The following MECOM variants were observed in gnomAD, a reference collection of about 807,000 sequenced individuals.
MECOM encodes MDS1 and EVI1 complex locus.
A neutral mutation model predicts 116.3 loss-of-function variants in MECOM; 13 were observed. The observed-to-expected ratio is 0.11, with a 90% confidence interval of 0.07 to 0.18. The LOEUF is 0.18. Among genes scored for constraint, MECOM ranks in the 10% least tolerant of loss-of-function variants. The pLI is 1.00. For missense variants in MECOM, 1,299 were observed against 1,509.0 expected, an observed-to-expected ratio of 0.86 and a Z score of 2.31; for synonymous variants, 528 against 535.2, an observed-to-expected ratio of 0.99 and a Z score of 0.19.
chr3:169,583,184 C>T (rs1370832445), intron 1 of MECOM, among the ~76,000 whole-genome samples: 6 of 152,166 alleles, frequency 3.9e-5, no homozygotes, highest in Non-Finnish European at 8.8e-5. Context: ...CCTGGCACAC[C>T]ATGAGTAGCT....
intron 2 of MECOM, among the ~76,000 whole-genome samples, chr3:169,231,027 TAAG>T (rs1753329430): frequency 6.6e-6 from 1 of 152,172 alleles, no homozygotes; most frequent in Non-Finnish European, 1.5e-5. Flanking sequence ...TCATTCATCA[TAAG>T]AAGCATGCCC....
chr3:169,447,915 G>A (rs1481798701), intron 1 of MECOM: 1 of 152,250 alleles, frequency 6.6e-6, no homozygotes, highest in African/African-American at 2.4e-5. Context: ...AAAAGAGAAG[G>A]CAAGAAATGA....
intron 1 of MECOM, among the ~76,000 whole-genome samples, chr3:169,481,215 T>C (rs964786184): frequency 1.3e-5 from 2 of 152,214 alleles, no homozygotes; most frequent in Non-Finnish European, 2.9e-5. Context: ...TCATGACTTT[T>C]AGCTGTATAT....
intron 2 of MECOM, among the ~76,000 whole-genome samples, chr3:169,357,508 A>AT (rs913749203): frequency 5.9e-5 from 9 of 151,672 alleles, no homozygotes; most frequent in African/African-American, 2.2e-4. Context: ...TTAAGAGGCA[A>AT]TTTTTTTTCT....
At chr3:169,578,321 T>C (rs1248256510) in intron 1 of MECOM, among the ~76,000 whole-genome samples, 1 of 152,176 alleles carries the variant, frequency 6.6e-6, no homozygotes, top group Non-Finnish European at 1.5e-5. Context: ...CACGATGCTT[T>C]TTTAAGGGAA....
intron 2 of MECOM, among the ~76,000 whole-genome samples, chr3:169,209,644 C>A (rs1750443590): frequency 6.6e-6 from 1 of 152,090 alleles, no homozygotes; most frequent in Admixed American, 6.5e-5. Context: ...CAAATCAAAA[C>A]CACAATGAGA....
chr3:169,595,237 C>A (rs1766995853), intron 1 of MECOM, among the ~76,000 whole-genome samples: 1 of 152,026 alleles, frequency 6.6e-6, no homozygotes, highest in African/African-American at 2.4e-5. Context: ...TACAAATTAC[C>A]TTTCTAAACC....
chr3:169,436,212 C>T (rs1414742171), intron 1 of MECOM, among the ~76,000 whole-genome samples: 1 of 143,720 alleles, frequency 7.0e-6, no homozygotes, highest in Non-Finnish European at 1.5e-5. Flanking sequence ...GAGTCTATGA[C>T]GCAAAAAAAA....
intron 1 of MECOM, among the ~76,000 whole-genome samples, chr3:169,459,836 G>A (rs1182041920): frequency 6.6e-6 from 1 of 152,158 alleles, no homozygotes; most frequent in African/African-American, 2.4e-5. Context: ...AATTAGGCCT[G>A]TGATGCTCTA....
At chr3:169,340,501 C>T (rs1307751928) in intron 2 of MECOM, among the ~76,000 whole-genome samples, 7 of 152,236 alleles carry the variant, frequency 4.6e-5, no homozygotes, top group Middle Eastern at 3.4e-3. Flanking sequence ...GAACTGTCAT[C>T]GAGCCTGGTA....
intron 1 of MECOM, among the ~76,000 whole-genome samples, chr3:169,660,168 G>A (rs1278157059): frequency 6.6e-6 from 1 of 152,190 alleles, no homozygotes; most frequent in Non-Finnish European, 1.5e-5. Context: ...CGGCCCAGGT[G>A]CTGTCCTAGC....
chr3:169,245,460 T>C (rs1755465419), intron 2 of MECOM, among the ~76,000 whole-genome samples: 2 of 152,252 alleles, frequency 1.3e-5, no homozygotes, highest in South Asian at 4.1e-4. Flanking sequence ...TTAGTGCTTT[T>C]CAATTGTTTA....
At position 169,333,960 on chromosome 3, in the gene MECOM, C is replaced by T. The variant is rs111981401; in HGVS notation, c.375+47227G>A. Among the ~76,000 whole-genome samples, 1,082 of 144,986 alleles carry T rather than the reference C, an allele frequency of 7.5e-3. 4 individuals are homozygous for T. The highest frequency in any genetic ancestry group is 0.032 in the Middle Eastern group (9 of 280). ...TTTAAAGCATAAGAGCAAACCCAGA[C>T]GGTAGCAATTCTGTTTACTCTTTTT... On this transcript the variant is annotated intron_variant, in intron 2 of 16. Coordinates refer to ENST00000651503, the MANE Select transcript of MECOM (RefSeq NM_004991.4).
At chr3:169,235,096 T>A (rs1753869643) in intron 2 of MECOM, among the ~76,000 whole-genome samples, 1 of 152,220 alleles carries the variant, frequency 6.6e-6, no homozygotes, top group South Asian at 2.1e-4. Context: ...GTGCTTACGC[T>A]ATGATTTAAA....
At chr3:169,448,332 A>G (rs1448665900) in intron 1 of MECOM, among the ~76,000 whole-genome samples, 1 of 152,194 alleles carries the variant, frequency 6.6e-6, no homozygotes, top group Non-Finnish European at 1.5e-5. Flanking sequence ...GTATTTATTT[A>G]TAGGTCGCCC....
At chr3:169,446,557 C>T (rs1275625472) in intron 1 of MECOM, among the ~76,000 whole-genome samples, 3 of 152,174 alleles carry the variant, frequency 2.0e-5, no homozygotes, top group African/African-American at 4.8e-5. Context: ...CCTGGTCTTC[C>T]ACAGAGCCAC....
chr3:169,322,578 G>A (rs1468253176), intron 2 of MECOM, among the ~76,000 whole-genome samples: 1 of 152,056 alleles, frequency 6.6e-6, no homozygotes, highest in Non-Finnish European at 1.5e-5. Context: ...TCTTTGAGGA[G>A]TGAAGGACTA....
At chr3:169,532,459 C>G (rs139955798) in intron 1 of MECOM, among the ~76,000 whole-genome samples, 219 of 152,256 alleles carry the variant, frequency 1.4e-3, no homozygotes, top group African/African-American at 5.0e-3. Context: ...GAGCAAAGAC[C>G]CATAATCCTG....
chr3:169,204,800 T>G (rs1030511695), intron 2 of MECOM, among the ~76,000 whole-genome samples: 2 of 152,218 alleles, frequency 1.3e-5, no homozygotes, highest in African/African-American at 4.8e-5. Flanking sequence ...TTAATTCGCC[T>G]TATTTATAAA....
Sources: allele counts gnomAD v4.1 joint callset (sites outside exome capture counted in the v4.1 genomes callset), GRCh38; gene constraint gnomAD v4.1.1; transcripts MANE v1.5; gene names NCBI Gene and HGNC (gene_info 2026-07-23, HGNC 2026-07-21).